Variants in LRP1B observed in about 807,000 individuals in gnomAD.
The protein encoded by LRP1B is low-density lipoprotein receptor-related protein 1B.
A neutral mutation model predicts 556.6 loss-of-function variants in LRP1B; 217 were observed. That is an observed-to-expected ratio of 0.39 (90% CI 0.35 to 0.44). The LOEUF (loss-of-function observed/expected upper bound fraction) is 0.44. Ranked by LOEUF, LRP1B falls within the 20% of genes least tolerant of loss-of-function variation. LRP1B has a pLI of 1.00. For missense variants in LRP1B, 5,053 were observed against 5,620.8 expected (o/e 0.90, Z 3.23); for synonymous variants, 2,047 against 1,865.8 (o/e 1.10, Z -2.50).
intron 1 of LRP1B, among the ~76,000 whole-genome samples, chr2:142,130,369 G>A (rs1301316598): frequency 4.6e-5 from 7 of 152,204 alleles, no homozygotes; most frequent in Admixed American, 4.6e-4. Context: ...TTCGCGGACA[G>A]AAGCGCACAG....
At chr2:141,990,326 T>G (rs1292531011) in intron 1 of LRP1B, among the ~76,000 whole-genome samples, 1 of 152,062 alleles carries the variant, frequency 6.6e-6, no homozygotes, top group Non-Finnish European at 1.5e-5. Flanking sequence ...GAATGTTAAA[T>G]ACTTTAAAAT....
intron 27 of LRP1B, among the ~76,000 whole-genome samples, chr2:140,864,789 T>G (rs1692900061): frequency 6.6e-6 from 1 of 152,068 alleles, no homozygotes; most frequent in Non-Finnish European, 1.5e-5. Flanking sequence ...AAATGGTGAT[T>G]AAACTCAACG....
intron 5 of LRP1B, 59 bp downstream of exon 5, chr2:141,247,167 A>T (rs2105326663): frequency 1.9e-6 from 3 of 1,596,928 alleles, no homozygotes; most frequent in Non-Finnish European, 2.6e-6. Context: ...AATGAAAAAG[A>T]ATTGTAAAAA....
chr2:141,392,599 T>C (rs2104908474), intron 3 of LRP1B, among the ~76,000 whole-genome samples: 1 of 152,048 alleles, frequency 6.6e-6, no homozygotes, highest in East Asian at 1.9e-4. Flanking sequence ...ACACGAAGAA[T>C]GTAGAATCTG....
At chr2:140,342,058 A>ACTC (rs1462273330) in intron 77 of LRP1B, among the ~76,000 whole-genome samples, 1 of 151,548 alleles carries the variant, frequency 6.6e-6, no homozygotes, top group Non-Finnish European at 1.5e-5. Flanking sequence ...TATTATTAAA[A>ACTC]CATCAAAAAA....
At chr2:141,057,784 G>A (rs759111272) in intron 9 of LRP1B, among the ~76,000 whole-genome samples, 5 of 151,768 alleles carry the variant, frequency 3.3e-5, no homozygotes, top group Admixed American at 6.6e-5. Flanking sequence ...TTTATCAGCA[G>A]TGTGAAAACC....
intron 3 of LRP1B, among the ~76,000 whole-genome samples, chr2:141,387,589 C>A (rs1689877177): frequency 6.6e-6 from 1 of 152,076 alleles, no homozygotes; most frequent in East Asian, 1.9e-4. Context: ...CCTAGGCACA[C>A]AAATTACCAA....
chr2:140,517,718 T>TTG (rs995485185), intron 49 of LRP1B, among the ~76,000 whole-genome samples: 7 of 147,376 alleles, frequency 4.7e-5, no homozygotes, highest in Non-Finnish European at 7.5e-5. Flanking sequence ...CCTTTTTTTT[T>TTG]TTTTTTTGTT....
intron 20 of LRP1B, among the ~76,000 whole-genome samples, chr2:140,949,274 A>G (rs998795960): frequency 9.2e-5 from 14 of 152,342 alleles, no homozygotes; most frequent in Admixed American, 2.0e-4. Context: ...AGCAGAAAAA[A>G]TTCTGTTAAA....
intron 1 of LRP1B, among the ~76,000 whole-genome samples, chr2:141,934,327 C>T (rs578000118): frequency 6.6e-6 from 1 of 151,964 alleles, no homozygotes; most frequent in South Asian, 2.1e-4. Flanking sequence ...GGTAAAGAAA[C>T]AATGTATTAA....
At chr2:142,037,876 T>G (rs879572109) in intron 1 of LRP1B, among the ~76,000 whole-genome samples, 6 of 151,460 alleles carry the variant, frequency 4.0e-5, no homozygotes, top group Non-Finnish European at 8.9e-5. Flanking sequence ...GTAGCAGAAA[T>G]GTAGAGTGGC....
chr2:140,434,254 C>G (rs761912434), intron 66 of LRP1B, among the ~76,000 whole-genome samples: 2 of 151,568 alleles, frequency 1.3e-5, no homozygotes, highest in South Asian at 2.1e-4. Context: ...ATTTTTAGTA[C>G]AGACGGGGTT....
rs2105232257 is a variant in LRP1B at position 140,908,018 on chromosome 2, C to A, written c.3379G>T (p.Asp1127Tyr). The change falls in exon 22 of 91, where the codon GAT (aspartate) becomes TAT (tyrosine). Residue 1127 changes from aspartate (D) to tyrosine (Y), a missense_variant. Around this residue, in one of 5 missense-constraint regions of LRP1B, gnomAD observed 3,619 missense variants for 3,931.9 expected, o/e 0.92. Transcript: ENST00000389484. Reference protein sequence around the residue: ...DGDIDCEDQSDEDDCDSFLCG... With the variant: ...DGDIDCEDQSYEDDCDSFLCG... ...AAGAAACTGTCACAGTCATCTTCAT[C>A]TGACTGATCTTCGCAATCAATATCT... The A allele has an allele frequency of 6.2e-7, 1 of 1,613,524 alleles. No homozygotes were observed. Among genetic ancestry groups the A allele is most frequent in the East Asian group, 2.2e-5 (1 of 44,830 alleles).
At chr2:140,236,265 G>A (rs1457398873) in intron 89 of LRP1B, among the ~76,000 whole-genome samples, 1 of 150,772 alleles carries the variant, frequency 6.6e-6, no homozygotes, top group Non-Finnish European at 1.5e-5. Context: ...AGATTCTTCA[G>A]GAACACCAAT....
intron 7 of LRP1B, among the ~76,000 whole-genome samples, chr2:141,094,082 A>G (rs1479529434): frequency 6.6e-6 from 1 of 152,178 alleles, no homozygotes; most frequent in Non-Finnish European, 1.5e-5. Context: ...TACAGATAGT[A>G]AGAATTGAAC....
intron 32 of LRP1B, among the ~76,000 whole-genome samples, chr2:140,776,614 C>T (rs1043343130): frequency 2.0e-5 from 3 of 151,738 alleles, no homozygotes; most frequent in Non-Finnish European, 4.4e-5. Context: ...TTGTACGATA[C>T]GTATTTGTAA....
chr2:141,493,328 T>A (rs1222558253), intron 2 of LRP1B, among the ~76,000 whole-genome samples: 3 of 152,182 alleles, frequency 2.0e-5, no homozygotes, highest in Non-Finnish European at 4.4e-5. Flanking sequence ...TAGTAGACTA[T>A]GGAAGAATCT....
chr2:140,955,513 C>T (rs557448374), intron 18 of LRP1B, among the ~76,000 whole-genome samples: 67 of 151,736 alleles, frequency 4.4e-4, no homozygotes, highest in African/African-American at 1.6e-3. Flanking sequence ...ACAAAAATGG[C>T]TTACATGTCA....
At chr2:140,539,284 A>G (rs1680046003) in intron 45 of LRP1B, among the ~76,000 whole-genome samples, 1 of 152,096 alleles carries the variant, frequency 6.6e-6, no homozygotes, top group Admixed American at 6.6e-5. Context: ...GAGGACACAG[A>G]TGTGCCAGAA....
Sources: allele counts gnomAD v4.1 joint callset (sites outside exome capture counted in the v4.1 genomes callset), GRCh38; gene constraint gnomAD v4.1.1; regional missense constraint gnomAD v4.1.1; transcripts MANE v1.5; gene names NCBI Gene and HGNC (gene_info 2026-07-23, HGNC 2026-07-21).